AHCTF1: variants seen among roughly 807,000 people sequenced by gnomAD.
AHCTF1 encodes the protein AT-hook containing transcription factor 1, also known as protein ELYS.
Under a neutral mutation model 248.4 loss-of-function variants are expected in AHCTF1, and 24 were observed. That is an observed-to-expected ratio of 0.10 (90% CI 0.07 to 0.14). The LOEUF (loss-of-function observed/expected upper bound fraction) is 0.14. AHCTF1 is among the 10% of genes least tolerant of loss of function. AHCTF1 has a pLI of 1.00. For missense variants in AHCTF1, 2,206 were observed against 2,636.2 expected (o/e 0.84, Z 3.57); for synonymous variants, 786 against 929.8 (o/e 0.85, Z 2.81).
At chr1:246,862,652 T>A (rs113415158) in intron 27 of AHCTF1, among the ~76,000 whole-genome samples, 257 of 152,240 alleles carry the variant, frequency 1.7e-3, no homozygotes, top group African/African-American at 5.9e-3. Context: ...CTACGAAACA[T>A]AAAACTGCAT....
In AHCTF1 at chr1:246,881,428, G is replaced by A. The variant is rs149466120; in HGVS notation, c.2660+4065C>T. ...CACAGAAAGATTAAAACCATGCAAC[G>A]AACAAACTTGATCATGGGGACAAAT... On this transcript the variant is annotated intron_variant, in intron 21 of 35. Coordinates refer to ENST00000648844, the MANE Select transcript of AHCTF1 (RefSeq NM_001323342.2). 9.2e-3 allele frequency among the ~76,000 whole-genome samples: 1,399 copies of A among 152,216 alleles called. 24 individuals carry two copies. The highest frequency in any genetic ancestry group is 0.031 in the African/African-American group (1,281 of 41,544).
intron 31 of AHCTF1, 35 bp downstream of exon 31, chr1:246,855,695 T>C: frequency 6.6e-7 from 1 of 1,517,594 alleles, no homozygotes; most frequent in Non-Finnish European, 9.0e-7. Flanking sequence ...AACACAAAAA[T>C]GGAATAATCC....
At chr1:246,925,550 T>A (rs994952888) in intron 1 of AHCTF1, among the ~76,000 whole-genome samples, 3 of 151,800 alleles carry the variant, frequency 2.0e-5, no homozygotes, top group African/African-American at 7.3e-5. Flanking sequence ...AGACCAGGAG[T>A]TGTAGGTTGC....
intron 1 of AHCTF1, among the ~76,000 whole-genome samples, chr1:246,924,621 T>C (rs1348794572): frequency 6.6e-6 from 1 of 152,092 alleles, no homozygotes; most frequent in Non-Finnish European, 1.5e-5. Context: ...CCCAAAAAAA[T>C]TTATGTGAAA....
intron 1 of AHCTF1, among the ~76,000 whole-genome samples, chr1:246,930,071 T>G (rs185164100): frequency 4.0e-5 from 6 of 151,564 alleles, no homozygotes; most frequent in Non-Finnish European, 7.4e-5. Flanking sequence ...AAAAGATGTA[T>G]CTGTACCTAT....
chr1:246,886,978 A>C (rs928934546), intron 20 of AHCTF1, among the ~76,000 whole-genome samples: 8 of 152,148 alleles, frequency 5.3e-5, no homozygotes, highest in African/African-American at 1.9e-4. Flanking sequence ...AACTATCGTA[A>C]TTACTTACTT....
intron 1 of AHCTF1, among the ~76,000 whole-genome samples, chr1:246,930,588 A>T (rs1375779817): frequency 7.6e-6 from 1 of 132,354 alleles, no homozygotes; most frequent in African/African-American, 3.0e-5. Flanking sequence ...AAACAGTTTA[A>T]AAAAAAAAAA....
intron 31 of AHCTF1, among the ~76,000 whole-genome samples, chr1:246,855,086 A>G (rs544773660): frequency 1.0e-4 from 16 of 152,396 alleles, no homozygotes; most frequent in African/African-American, 2.9e-4. Context: ...GAACAAAGGC[A>G]TAACAGTTGA....
At chr1:246,913,561 G>A (rs117354341) in intron 3 of AHCTF1, 149 bp from the exon 4 acceptor site, 66 of 703,128 alleles carry the variant, frequency 9.4e-5, no homozygotes, top group East Asian at 2.6e-4. Context: ...TCTGAATAAT[G>A]AAATCTTCAG....
Position 246,857,694 on chromosome 1 carries a change from T to C in AHCTF1, c.4253A>G (p.Glu1418Gly), listed in dbSNP as rs1661203267. Residue 1418 changes from glutamate (E) to glycine (G), a missense_variant, in exon 30 of 36, where the codon GAA becomes GGA. Glu to Gly is a moderately conservative substitution (Grantham distance 98). Around this residue, in one of 6 missense-constraint regions of AHCTF1, gnomAD observed 955 missense variants for 1,055.6 expected, o/e 0.90. Transcript: ENST00000648844. ...EASLCAPSVY[E>G]GKIFTQKSKV... The stretch of plus-strand genomic sequence containing the variant: ...GAATTTCTCTCCATTAACTTACCCT[T>C]CATAGACTGATGGTGCACAAAGAGA... 1 of 1,611,280 alleles carries C rather than the reference T, an allele frequency of 6.2e-7. No homozygotes were observed.
intron 24 of AHCTF1, among the ~76,000 whole-genome samples, chr1:246,872,375 G>A (rs1174611800): frequency 1.3e-5 from 2 of 152,142 alleles, no homozygotes; most frequent in Non-Finnish European, 2.9e-5. Flanking sequence ...GTACCTACTA[G>A]TGTAGACACC....
intron 29 of AHCTF1, 149 bp from the exon 30 acceptor site, chr1:246,857,963 T>TCTTC (rs149611336): frequency 2.2e-6 from 1 of 459,444 alleles, no homozygotes; most frequent in African/African-American, 9.2e-5. Flanking sequence ...AACACTTTCT[T>TCTTC]CTTTTTTTTT....
At position 246,898,282 on chromosome 1, in the gene AHCTF1, C is replaced by T. The variant is rs1219490701; in HGVS notation, c.1549G>A (p.Gly517Ser). The change falls in exon 12 of 36, where the codon GGT (glycine) becomes AGT (serine). Residue 517 changes from glycine to serine, a missense_variant. Coordinates refer to ENST00000648844, the MANE Select transcript of AHCTF1 (RefSeq NM_001323342.2). ...CCAGCTACAAGACATCGATTATAAC[C>T]ATCAGGAATGAGTTCATTGAGTGAT... ...GPSLNELIPDGYNRCLVAGLL... is the reference protein window; with the variant it reads ...GPSLNELIPDSYNRCLVAGLL... The T allele has an allele frequency of 6.2e-7, 1 of 1,612,848 alleles. No homozygotes were observed. Among genetic ancestry groups the T allele is most frequent in the Non-Finnish European group, 8.5e-7 (1 of 1,179,968 alleles).
intron 14 of AHCTF1, among the ~76,000 whole-genome samples, chr1:246,892,241 C>G (rs1171246090): frequency 6.8e-6 from 1 of 147,938 alleles, no homozygotes; most frequent in Non-Finnish European, 1.5e-5. Context: ...TGTCACTGGT[C>G]TAGAAAACAA....
intron 34 of AHCTF1, among the ~76,000 whole-genome samples, chr1:246,843,007 T>C (rs903936214): frequency 1.3e-5 from 2 of 152,250 alleles, no homozygotes; most frequent in Admixed American, 1.3e-4. Context: ...AGTTTTATTT[T>C]TGAATGTTTC....
chr1:246,931,210 C>A (rs1667332388), intron 1 of AHCTF1: 1 of 1,550,280 alleles, frequency 6.5e-7, no homozygotes, highest in South Asian at 1.2e-5. Flanking sequence ...CGGGGAAAGG[C>A]CCGCCAACGA....
chr1:246,890,984 A>C lies in AHCTF1; in HGVS notation c.2022T>G (p.Ser674=), dbSNP rs759702424. The C allele has an allele frequency of 6.5e-7, 1 of 1,547,618 alleles. No homozygotes were observed. Among genetic ancestry groups the C allele is most frequent in the Admixed American group, 2.2e-5 (1 of 46,122 alleles). The part of the protein sequence containing the change: ...CQYAQVVLWF[S]HSGLLPEGID... ...TGCCTTCTGGTAAAAGCCCAGAATG[A>C]GAGAACCAAAGAACCACTTGTGCAT... Residue 674 remains serine, a synonymous_variant, in exon 16 of 36, where the codon TCT becomes TCG. Transcript: ENST00000648844.
At chr1:246,847,164 C>T (rs1660328713) in intron 33 of AHCTF1, among the ~76,000 whole-genome samples, 1 of 151,870 alleles carries the variant, frequency 6.6e-6, no homozygotes, top group South Asian at 2.1e-4. Flanking sequence ...TGGCAAGCAC[C>T]TGTAATCCCA....
Position 246,907,726 on chromosome 1 carries a change from C to T in AHCTF1, c.589G>A (p.Val197Ile). 1.2e-6 allele frequency: 2 copies of T among 1,613,832 alleles called. No homozygotes were observed. The highest frequency in any genetic ancestry group is 1.7e-6 in the Non-Finnish European group (2 of 1,179,922). The change falls in exon 5 of 36, where the codon GTA (valine) becomes ATA (isoleucine). Residue 197 changes from valine (V) to isoleucine (I), a missense_variant. Around this residue, in one of 6 missense-constraint regions of AHCTF1, gnomAD observed 650 missense variants for 870.8 expected, o/e 0.75. Coordinates refer to ENST00000648844, the MANE Select transcript of AHCTF1 (RefSeq NM_001323342.2). Reference protein sequence around the residue: ...LEVLTGIPAEVPHIRESVMRQ... With the variant: ...LEVLTGIPAEIPHIRESVMRQ... ...ATTACACTTTCTCTAATGTGTGGTA[C>T]TTCAGCTGGGATACCAGTTAGAACT... is the stretch of plus-strand genomic sequence containing the variant.
Sources: gnomAD v4.1 joint callset for allele counts (sites outside exome capture counted in the v4.1 genomes callset) on GRCh38, gnomAD v4.1.1 for gene constraint, gnomAD v4.1.1 regional missense constraint, MANE v1.5 for transcripts, NCBI Gene and HGNC (gene_info 2026-07-23, HGNC 2026-07-21) for gene names.